C8orf34: variants seen among roughly 807,000 people sequenced by gnomAD.
The protein encoded by C8orf34 is chromosome 8 open reading frame 34, also known as uncharacterized protein C8orf34.
In C8orf34, 65 loss-of-function variants were observed where a neutral mutation model predicts 68.3. The observed-to-expected ratio is 0.95, with a 90% confidence interval of 0.78 to 1.17. C8orf34 has a LOEUF of 1.17. Among genes scored for constraint, C8orf34 ranks in the 50% most tolerant of loss-of-function variants. The pLI is 0.00. For synonymous variants in C8orf34, 244 were observed against 241.2 expected (o/e 1.01, Z -0.11); for missense variants, 664 against 655.4 (o/e 1.01, Z -0.14).
At chr8:68,712,870 A>G in intron 9 of C8orf34, among the ~76,000 whole-genome samples, 1 of 152,162 alleles carries the variant, frequency 6.6e-6, no homozygotes, top group Admixed American at 6.5e-5. Flanking sequence ...CAGGATATAC[A>G]TTCTGTTCAT....
chr8:68,733,114 TC>T lies in C8orf34; in HGVS notation c.1404+11680del, dbSNP rs1456102184. ...AGTGTCATTTGTTTTTGATAATTCA[TC>T]CCTTCTTTATTAATTTGAACTTTTT... On this transcript the variant is annotated intron_variant, in intron 10 of 13. Transcript: ENST00000518698. Among the ~76,000 whole-genome samples, 3 of 151,766 alleles carry T rather than the reference TC, an allele frequency of 2.0e-5. No individual in the cohort carries two copies. In the East Asian group the frequency reaches 5.8e-4, roughly 29 times the overall value.
At chr8:68,587,123 T>G (rs1403061581) in intron 7 of C8orf34, among the ~76,000 whole-genome samples, 1 of 152,092 alleles carries the variant, frequency 6.6e-6, no homozygotes, top group Non-Finnish European at 1.5e-5. Context: ...TAGTCACATC[T>G]CTTTTTCTCA....
Position 68,679,162 on chromosome 8 carries a change from C to T in C8orf34, c.1242-29832C>T, listed in dbSNP as rs138669523. ...ATTAGCCAGGCATGGTGGCACGCAC[C>T]TATAGTCCCAGCTACTGAGGGGGCT... On this transcript the variant is annotated intron_variant, in intron 8 of 13. Coordinates refer to ENST00000518698, the MANE Select transcript of C8orf34 (RefSeq NM_052958.4). Among the ~76,000 whole-genome samples the T allele has an allele frequency of 9.3e-4, 142 of 152,098 alleles. 1 individual carries two copies. The highest frequency in any genetic ancestry group is 3.2e-3 in the African/African-American group (133 of 41,472).
At chr8:68,758,738 A>G (rs2129527911) in intron 10 of C8orf34, among the ~76,000 whole-genome samples, 1 of 152,140 alleles carries the variant, frequency 6.6e-6, no homozygotes. Context: ...ACTGTACATT[A>G]TTCCCTTGGA....
At chr8:68,694,223 C>G (rs1820763517) in intron 8 of C8orf34, among the ~76,000 whole-genome samples, 1 of 151,904 alleles carries the variant, frequency 6.6e-6, no homozygotes, top group Non-Finnish European at 1.5e-5. Context: ...AACAAATAGG[C>G]CTTAAGTGCA....
At chr8:68,801,954 A>G (rs909198593) in intron 12 of C8orf34, among the ~76,000 whole-genome samples, 4 of 152,116 alleles carry the variant, frequency 2.6e-5, no homozygotes, top group Admixed American at 6.5e-5. Context: ...GCGTACATAC[A>G]TATCCACACC....
chr8:68,703,800 C>T (rs1266770033), intron 8 of C8orf34, among the ~76,000 whole-genome samples: 1 of 152,012 alleles, frequency 6.6e-6, no homozygotes, highest in African/African-American at 2.4e-5. Flanking sequence ...GTTTTATACT[C>T]ATGTCCCTCA....
At chr8:68,710,048 C>T (rs1331108544) in intron 9 of C8orf34, among the ~76,000 whole-genome samples, 3 of 151,970 alleles carry the variant, frequency 2.0e-5, no homozygotes, top group Admixed American at 6.6e-5. Context: ...AACCTTCAGC[C>T]GTAGAAAATT....
At chr8:68,560,944 CT>C (rs200031792) in intron 7 of C8orf34, among the ~76,000 whole-genome samples, 157 of 145,962 alleles carry the variant, frequency 1.1e-3, no homozygotes, top group African/African-American at 3.2e-3. Context: ...CTTACTATAA[CT>C]TTTTTTTTTA....
intron 8 of C8orf34, among the ~76,000 whole-genome samples, chr8:68,658,551 A>T (rs146415786): frequency 1.3e-5 from 2 of 152,184 alleles, no homozygotes; most frequent in Non-Finnish European, 2.9e-5. Flanking sequence ...TTCTATTTTT[A>T]GTAAGGTGTC....
intron 1 of C8orf34, among the ~76,000 whole-genome samples, chr8:68,413,917 C>T (rs549745438): frequency 1.3e-5 from 2 of 152,304 alleles, no homozygotes; most frequent in Admixed American, 6.5e-5. Flanking sequence ...GACTCTACAC[C>T]TTTGCTCTGC....
intron 1 of C8orf34, among the ~76,000 whole-genome samples, chr8:68,420,087 G>A (rs1190106611): frequency 6.6e-6 from 1 of 151,468 alleles, no homozygotes; most frequent in Non-Finnish European, 1.5e-5. Context: ...TCCAGGAGAA[G>A]ATAGAAATTC....
chr8:68,365,972 T>C (rs1230179594), intron 1 of C8orf34, among the ~76,000 whole-genome samples: 1 of 33,544 alleles, frequency 3.0e-5, no homozygotes, highest in Non-Finnish European at 5.1e-5. Flanking sequence ...TGTTTGCAGA[T>C]GACATGATTG....
intron 1 of C8orf34, among the ~76,000 whole-genome samples, chr8:68,342,981 A>G: frequency 6.6e-6 from 1 of 152,178 alleles, no homozygotes; most frequent in Non-Finnish European, 1.5e-5. Flanking sequence ...AGAGGAAAAG[A>G]AGAAATTTGT....
chr8:68,818,477 T>C lies in C8orf34; in HGVS notation c.*231T>C. 1 of 497,406 alleles carries C rather than the reference T, an allele frequency of 2.0e-6. No homozygotes were observed. Among genetic ancestry groups the C allele is most frequent in the South Asian group, 4.3e-5 (1 of 23,520 alleles). 30.8% of individuals were successfully genotyped at this position (497,406 alleles called of 1,614,324 possible). On this transcript the variant is annotated 3_prime_UTR_variant, in exon 14 of 14. Transcript: ENST00000518698. ...TCAGGAGGCCGGCTGCCTTTTGACATGGTTAGAGTCCTGGGTTTAGATTAC... is the reference window on the plus strand; with the variant it reads ...TCAGGAGGCCGGCTGCCTTTTGACACGGTTAGAGTCCTGGGTTTAGATTAC...
chr8:68,641,178 A>G (rs1336217469), intron 8 of C8orf34, among the ~76,000 whole-genome samples: 1 of 152,218 alleles, frequency 6.6e-6, no homozygotes, highest in Non-Finnish European at 1.5e-5. Context: ...AATGGTCCAG[A>G]TTAGCAAGAA....
At chr8:68,368,229 T>C (rs933070451) in intron 1 of C8orf34, among the ~76,000 whole-genome samples, 1 of 152,192 alleles carries the variant, frequency 6.6e-6, no homozygotes, top group Non-Finnish European at 1.5e-5. Context: ...TGATTTTAAA[T>C]GTGCACCTAG....
intron 7 of C8orf34, among the ~76,000 whole-genome samples, chr8:68,605,622 C>A (rs977039677): frequency 6.6e-6 from 1 of 152,014 alleles, no homozygotes; most frequent in Non-Finnish European, 1.5e-5. Flanking sequence ...ATAAACCAAT[C>A]TGAAAAGACT....
At chr8:68,801,312 CTT>C in intron 12 of C8orf34, among the ~76,000 whole-genome samples, 1 of 152,288 alleles carries the variant, frequency 6.6e-6, no homozygotes, top group Non-Finnish European at 1.5e-5. Context: ...TGGATACTCT[CTT>C]TGAAAAACAG....
Sources: gnomAD v4.1 joint callset for allele counts (sites outside exome capture counted in the v4.1 genomes callset) on GRCh38, gnomAD v4.1.1 for gene constraint, MANE v1.5 for transcripts, NCBI Gene and HGNC (gene_info 2026-07-23, HGNC 2026-07-21) for gene names.